Variants in PLOD3 observed in about 807,000 individuals in gnomAD.
The protein encoded by PLOD3 is multifunctional procollagen lysine hydroxylase and glycosyltransferase LH3.
A neutral mutation model predicts 96.9 loss-of-function variants in PLOD3; 73 were observed. That is an observed-to-expected ratio of 0.75 (90% CI 0.62 to 0.92). The LOEUF (loss-of-function observed/expected upper bound fraction) is 0.92, where lower values mean the gene tolerates loss of function less well. Ranked by LOEUF, PLOD3 falls within the 40% of genes least tolerant of loss-of-function variation. The pLI is 0.00. For missense variants in PLOD3, 1,004 were observed against 1,004.3 expected, an observed-to-expected ratio of 1.00 and a Z score of 0.00; for synonymous variants, 454 against 413.7, an observed-to-expected ratio of 1.10 and a Z score of -1.18.
chr7:101,214,396 G>T (rs1244283728), intron 6 of PLOD3, among the ~76,000 whole-genome samples: 1 of 151,984 alleles, frequency 6.6e-6, no homozygotes, highest in Non-Finnish European at 1.5e-5. Context: ...CTCCCAAAAT[G>T]TTGGGATTAC....
rs770638759 is a variant in PLOD3, at chr7:101,216,023, G to C, written c.503-3C>G. On this transcript the variant is annotated splice_polypyrimidine_tract_variant and splice_region_variant and intron_variant, in intron 4 of 18. Transcript: ENST00000223127. ...GGTGGTGGCAAAACCGATGAATCCT[G>C]GCGGGGAGGGGGAGTGTTGACCTCG... The C allele has an allele frequency of 1.9e-6, 3 of 1,613,182 alleles. No homozygotes were observed. Among genetic ancestry groups the C allele is most frequent in the Non-Finnish European group, 2.5e-6 (3 of 1,179,160 alleles).
chr7:101,212,075 C>A, intron 10 of PLOD3, 125 bp from the exon 11 acceptor site: 1 of 1,048,064 alleles, frequency 9.5e-7, no homozygotes, highest in Non-Finnish European at 1.4e-6. Flanking sequence ...AGGCTCTCTG[C>A]TGTCTGGGTG....
rs745379872 is a variant in PLOD3, at chr7:101,216,514, AC to A, written c.233del (p.Gly78ValfsTer16). The A allele has an allele frequency of 1.9e-6, 3 of 1,613,254 alleles. No individual in the cohort carries two copies. The highest frequency in any genetic ancestry group is 1.1e-5 in the South Asian group (1 of 91,038). Reference protein sequence around the residue: ...TLGLGEEWRGGDVARTVGGGQ... With the variant: ...TLGLGEEWRGXDVARTVGGGQ... ...CTCCACCAACTGTTCGAGCCACATC[AC>A]CCCCTCGCCACTCCTCTCCCAGGCC... On this transcript the variant is annotated frameshift_variant, in exon 3 of 19. Coordinates refer to ENST00000223127, the MANE Select transcript of PLOD3 (RefSeq NM_001084.5). LOFTEE classifies it high-confidence loss of function.
rs975624045 is a variant in PLOD3, at chr7:101,206,650, G to C, written c.2061+129C>G. ...AGGCCGCCTGCCCAGAAGCGATCCA[G>C]GAGCTGATACCCACAAAGTCACTGG... On this transcript the variant is annotated intron_variant, in intron 18 of 18. Transcript: ENST00000223127. 1.5e-5 allele frequency: 18 copies of C among 1,179,488 alleles called. No homozygotes were observed. In the East Asian group the frequency reaches 4.6e-4, roughly 30 times the overall value. 73.1% of individuals were successfully genotyped at this position (1,179,488 alleles called of 1,614,324 possible).
Position 101,211,720 on chromosome 7 carries a change from C to T in PLOD3, c.1233-4G>A, listed in dbSNP as rs2301903. 0.029 allele frequency: 46,563 copies of T among 1,601,378 alleles called. 3,486 individuals carry two copies. The highest frequency in any genetic ancestry group is 0.28 in the Admixed American group (15,925 of 57,348). On this transcript the variant is annotated splice_region_variant and splice_polypyrimidine_tract_variant and intron_variant, in intron 11 of 18. Transcript: ENST00000223127. ...CAGCATGGGGGCGATCACCTTCCTG[C>T]GGACAGGTGGGGGTGAGGGCTGGGC...
Position 101,206,308 on chromosome 7 carries a change from G to T in PLOD3, c.2190C>A (p.Tyr730Ter). 1 of 1,614,038 alleles carries T rather than the reference G, an allele frequency of 6.2e-7. No individual in the cohort carries two copies. ...AGGGGTCGACAAAGGACACCATGAT[G>T]TAGCGTGTGCCCCAGGTCGTTGGCA... Reference protein sequence around the residue: ...EGLPTTWGTRYIMVSFVDP With the variant: ...EGLPTTWGTR Residue 730 changes from tyrosine to a stop codon, truncating the protein, a stop_gained, in exon 19 of 19, where the codon TAC becomes TAA. Transcript: ENST00000223127. LOFTEE classifies it high-confidence loss of function.
rs1798293704 is a variant in PLOD3 at position 101,217,234 on chromosome 7, A to G, written c.41T>C (p.Leu14Pro). The G allele has an allele frequency of 4.7e-6, 7 of 1,485,134 alleles. No individual in the cohort carries two copies. Among genetic ancestry groups the G allele is most frequent in the Non-Finnish European group, 5.4e-6 (6 of 1,117,266 alleles). The allele number at this position is 1,485,134 out of a possible 1,614,324, so 92.0% of individuals were successfully genotyped here. Residue 14 changes from leucine (L) to proline (P), a missense_variant, in exon 1 of 19, where the codon CTG becomes CCG. Transcript: ENST00000223127. Reference protein sequence around the residue: ...SGPGPRFLLLLPLLLPPAASA... With the variant: ...SGPGPRFLLLPPLLLPPAASA... ...GGCCGCAGGGGGCAGCAGCAGCGGC[A>G]GCAGCAGCAGGAACCGGGGTCCAGG...
At chr7:101,215,809 T>G in intron 5 of PLOD3, 99 bp downstream of exon 5, 1 of 842,914 alleles carries the variant, frequency 1.2e-6, no homozygotes, top group South Asian at 1.4e-5. Context: ...GGCACACATT[T>G]TTCTCTTTGC....
Position 101,212,529 on chromosome 7 carries a change from C to T in PLOD3, c.1005+1G>A, listed in dbSNP as rs775566357. 2.6e-5 allele frequency: 42 copies of T among 1,613,306 alleles called. No homozygotes were observed. Among genetic ancestry groups the T allele is most frequent in the African/African-American group, 4.0e-5 (3 of 74,728 alleles). On this transcript the variant is annotated splice_donor_variant, in intron 9 of 18. Coordinates refer to ENST00000223127, the MANE Select transcript of PLOD3 (RefSeq NM_001084.5). LOFTEE classifies it high-confidence loss of function. ...GAGAGGCTCCAACAGGGGAGTCTCA[C>T]GTTGTTGTGCAGGAAAAGGGTGACC...
chr7:101,216,666 C>T (rs781313865), intron 2 of PLOD3, 29 bp downstream of exon 2: 1 of 1,606,846 alleles, frequency 6.2e-7, no homozygotes, highest in Non-Finnish European at 8.5e-7. Flanking sequence ...TGCTGGGACC[C>T]CCTCCCAGGG....
At position 101,211,869 on chromosome 7, in the gene PLOD3, C is replaced by A. The variant is rs752918458; in HGVS notation, c.1209G>T (p.Leu403=). The change falls in exon 11 of 19, where the codon CTG becomes CTT. Residue 403 remains leucine (L), a synonymous_variant. Coordinates refer to ENST00000223127, the MANE Select transcript of PLOD3 (RefSeq NM_001084.5). ...ADAVLTNLQT[L]RILIEENRKV... is the part of the protein sequence containing the mutation. ...ACCTGTTCTCCTCAATGAGGATACG[C>A]AGGGTCTGCAGGTTGGTGAGGACAG... The A allele has an allele frequency of 1.6e-5, 25 of 1,612,542 alleles. No homozygotes were observed. Among genetic ancestry groups the A allele is most frequent in the Admixed American group, 8.4e-5 (5 of 59,838 alleles).
chr7:101,216,213 G>A lies in PLOD3; in HGVS notation c.452C>T (p.Ala151Val), dbSNP rs35627324. 85 of 1,613,778 alleles carry A rather than the reference G, an allele frequency of 5.3e-5. 1 individual carries two copies. The East Asian group carries it at 1.2e-3, about 23-fold the overall frequency. ...CGTGCCCACCTCAGGGTACTGCTCC[G>A]CCAGCCCCCACTCGGGCCAGCAGAA... ...ESFCWPEWGL[A>V]EQYPEVGTGK... Residue 151 changes from alanine (A) to valine (V), a missense_variant, in exon 4 of 19, where the codon GCG (alanine) becomes GTG (valine). By Grantham distance (64) the Ala-to-Val change is moderately conservative. Around this residue, in one of 5 missense-constraint regions of PLOD3, gnomAD observed 690 missense variants for 650.2 expected, o/e 1.06. Transcript: ENST00000223127.
chr7:101,215,289 C>G, intron 5 of PLOD3, 137 bp from the exon 6 acceptor site: 1 of 738,784 alleles, frequency 1.4e-6, no homozygotes, highest in South Asian at 1.4e-5. Context: ...TCTCAGCTCA[C>G]TGCAACCTCT....
chr7:101,211,774 G>A (rs556273427), intron 11 of PLOD3, 58 bp from the exon 12 acceptor site: 3 of 1,588,802 alleles, frequency 1.9e-6, no homozygotes, highest in Admixed American at 1.8e-5. Flanking sequence ...GGAGCCCGGT[G>A]CCCAGGGCAG....
chr7:101,215,205 C>A, intron 5 of PLOD3, 53 bp from the exon 6 acceptor site: 1 of 1,239,024 alleles, frequency 8.1e-7, no homozygotes, highest in South Asian at 1.2e-5. Flanking sequence ...GTGGAAAGGA[C>A]ATCATTTCTC....
At chr7:101,212,444 G>A in intron 9 of PLOD3, 70 bp from the exon 10 acceptor site, 1 of 1,579,236 alleles carries the variant, frequency 6.3e-7, no homozygotes, top group Non-Finnish European at 8.7e-7. Context: ...TGGGGGTGCA[G>A]GAAGGAGATG....
Position 101,216,400 on chromosome 7 carries a change from G to A in PLOD3, c.338+10C>T. 6.2e-7 allele frequency: 1 copy of A among 1,614,060 alleles called. No individual in the cohort carries two copies. The highest frequency in any genetic ancestry group is 8.5e-7 in the Non-Finnish European group (1 of 1,179,990). ...ATCCTTACCCCGCTCCCTATCCCCA[G>A]CCCCGTTACCTATCCACAAACATGA... On this transcript the variant is annotated intron_variant, in intron 3 of 18. Coordinates refer to ENST00000223127, the MANE Select transcript of PLOD3 (RefSeq NM_001084.5).
chr7:101,212,201 C>T, intron 10 of PLOD3, 52 bp downstream of exon 10: 1 of 1,604,228 alleles, frequency 6.2e-7, no homozygotes, highest in African/African-American at 1.3e-5. Flanking sequence ...TGGCAGCACC[C>T]CTGACCCTAC....
chr7:101,207,595 G>A lies in PLOD3; in HGVS notation c.1918C>T (p.Pro640Ser), dbSNP rs764469361. 1 of 1,614,072 alleles carries A rather than the reference G, an allele frequency of 6.2e-7. No homozygotes were observed. The highest frequency in any genetic ancestry group is 8.5e-7 in the Non-Finnish European group (1 of 1,179,960). Reference protein sequence around the residue: ...YVGPMTESLFPGYHTKARAVM... With the variant: ...YVGPMTESLFSGYHTKARAVM... ...CAGCGCACCTTGGTGTGGTAACCGGGAAACAGGCTCTCGGTCATGGGGCCC... is the reference window on the plus strand; with the variant it reads ...CAGCGCACCTTGGTGTGGTAACCGGAAAACAGGCTCTCGGTCATGGGGCCC... Residue 640 changes from proline to serine, a missense_variant, in exon 17 of 19, where the codon CCC (proline) becomes TCC (serine). Pro to Ser is a moderately conservative substitution (Grantham distance 74). Transcript: ENST00000223127.
Sources: allele counts gnomAD v4.1 joint callset (sites outside exome capture counted in the v4.1 genomes callset), GRCh38; gene constraint gnomAD v4.1.1; regional missense constraint gnomAD v4.1.1; transcripts MANE v1.5; gene names NCBI Gene and HGNC (gene_info 2026-07-23, HGNC 2026-07-21).